Variants in IDO2 observed in about 807,000 individuals in gnomAD.
The protein encoded by IDO2 is indoleamine 2,3-dioxygenase-like 1 protein.
Under a neutral mutation model 45.1 loss-of-function variants are expected in IDO2, and 46 were observed. The observed-to-expected ratio is 1.02, with a 90% CI of 0.80 to 1.30. IDO2 has a LOEUF of 1.30. IDO2 is among the 50% of genes most tolerant of loss of function. IDO2 has a pLI of 0.00. For missense variants in IDO2, 544 were observed against 491.8 expected (o/e 1.11, Z -1.00); for synonymous variants, 218 against 184.9 (o/e 1.18, Z -1.45).
chr8:39,941,135 A>G (rs1024137770), intron 1 of IDO2, among the ~76,000 whole-genome samples: 2 of 146,296 alleles, frequency 1.4e-5, no homozygotes, highest in Non-Finnish European at 3.0e-5. Context: ...GGCAGGAGAA[A>G]TGCTTGAACC....
intron 1 of IDO2, among the ~76,000 whole-genome samples, chr8:39,938,407 CTTGAT>C (rs1466162897): frequency 6.6e-6 from 1 of 151,856 alleles, no homozygotes; most frequent in Non-Finnish European, 1.5e-5. Flanking sequence ...TCACTTTATC[CTTGAT>C]TTATTTCATT....
At chr8:39,989,666 C>T in intron 7 of IDO2, 55 bp from the exon 8 acceptor site, 1 of 1,243,624 alleles carries the variant, frequency 8.0e-7, no homozygotes, top group South Asian at 1.4e-5. Context: ...CTTACTCTGC[C>T]TGCATGGACT....
intron 3 of IDO2, among the ~76,000 whole-genome samples, chr8:39,972,566 C>T (rs1183179909): frequency 3.6e-5 from 5 of 139,232 alleles, no homozygotes; most frequent in Non-Finnish European, 7.5e-5. Flanking sequence ...GTCAAGATCT[C>T]GCCACTGCAC....
chr8:39,985,305 C>A, intron 5 of IDO2: 1 of 590,096 alleles, frequency 1.7e-6, no homozygotes. Context: ...CACCCTTTAT[C>A]ACATAGCACC....
intron 8 of IDO2, among the ~76,000 whole-genome samples, chr8:39,992,808 T>G (rs1801959457): frequency 6.6e-6 from 1 of 152,170 alleles, no homozygotes; most frequent in Admixed American, 6.5e-5. Flanking sequence ...CTCTAATCCC[T>G]TCATCCATAA....
At chr8:40,000,156 G>A (rs879474815) in intron 8 of IDO2, among the ~76,000 whole-genome samples, 4 of 152,152 alleles carry the variant, frequency 2.6e-5, no homozygotes, top group Non-Finnish European at 5.9e-5. Context: ...GATCACACCT[G>A]TAATCCCAGC....
At position 39,982,207 on chromosome 8, in the gene IDO2, G is replaced by C. The variant is rs930517662; in HGVS notation, c.316-445G>C. ...TATCATCTCTCTATCATCTATCTATGTATCTATCATCTCTCTCTATATATG... is the reference window on the plus strand; with the variant it reads ...TATCATCTCTCTATCATCTATCTATCTATCTATCATCTCTCTCTATATATG... On this transcript the variant is annotated intron_variant, in intron 4 of 10. Coordinates refer to ENST00000502986, the Ensembl canonical transcript of IDO2. 4.1e-5 allele frequency among the ~76,000 whole-genome samples: 6 copies of C among 146,688 alleles called. No homozygotes were observed. The South Asian group carries it at 1.1e-3, about 27-fold the overall frequency.
chr8:39,963,990 T>C (rs1439126201), intron 3 of IDO2, among the ~76,000 whole-genome samples: 1 of 152,194 alleles, frequency 6.6e-6, no homozygotes, highest in African/African-American at 2.4e-5. Flanking sequence ...ATAAACTAAC[T>C]AATGGACAAG....
chr8:39,947,624 C>T (rs948194596), intron 1 of IDO2, among the ~76,000 whole-genome samples: 4 of 152,220 alleles, frequency 2.6e-5, no homozygotes, highest in East Asian at 1.9e-4. Flanking sequence ...TTCCAGCCAA[C>T]GGAAACTGGA....
chr8:40,010,676 G>A (rs1802297055), intron 9 of IDO2, among the ~76,000 whole-genome samples: 1 of 152,192 alleles, frequency 6.6e-6, no homozygotes, highest in Admixed American at 6.5e-5. Flanking sequence ...ATGAGTCAAA[G>A]ATAATTTGCA....
intron 3 of IDO2, among the ~76,000 whole-genome samples, chr8:39,968,375 C>A (rs1181130967): frequency 6.6e-6 from 1 of 152,018 alleles, no homozygotes; most frequent in East Asian, 1.9e-4. Flanking sequence ...GGGTAGTTGA[C>A]TGCAAAGGTA....
At chr8:39,973,882 C>T (rs1318928740) in intron 3 of IDO2, among the ~76,000 whole-genome samples, 1 of 151,998 alleles carries the variant, frequency 6.6e-6, no homozygotes, top group African/African-American at 2.4e-5. Flanking sequence ...GTTGGTATTA[C>T]AGGCTCCTGC....
chr8:39,972,401 G>A (rs1221886436), intron 3 of IDO2, among the ~76,000 whole-genome samples: 2 of 152,068 alleles, frequency 1.3e-5, no homozygotes, highest in Admixed American at 6.6e-5. Context: ...TTGAGGTTGA[G>A]TTTGAGACCA....
At chr8:39,959,111 ATT>A (rs36099242) in intron 2 of IDO2, among the ~76,000 whole-genome samples, 1,903 of 141,656 alleles carry the variant, frequency 0.013, 16 homozygotes, top group Middle Eastern at 0.033. Flanking sequence ...TAATCTGTAG[ATT>A]TTTTTTTTTT....
chr8:39,977,561 G>T (rs1808277737), intron 3 of IDO2, among the ~76,000 whole-genome samples: 1 of 152,222 alleles, frequency 6.6e-6, no homozygotes, highest in African/African-American at 2.4e-5. Context: ...CATGCCTGTA[G>T]TCCCAGGTAC....
intron 8 of IDO2, among the ~76,000 whole-genome samples, chr8:40,004,173 G>T (rs568739312): frequency 6.6e-6 from 1 of 152,152 alleles, no homozygotes; most frequent in African/African-American, 2.4e-5. Context: ...AAAATCTAGC[G>T]CATGGGGCAT....
chr8:39,971,839 G>T (rs914631119), intron 3 of IDO2, among the ~76,000 whole-genome samples: 6 of 151,314 alleles, frequency 4.0e-5, no homozygotes, highest in East Asian at 1.9e-4. Flanking sequence ...ACAGAGTTTC[G>T]TTCTTATTGC....
rs1802371076 is a variant in IDO2, at chr8:40,015,316, C to G, written c.938C>G (p.Ser313Ter). Residue 313 changes from serine to a stop codon, truncating the protein, a stop_gained, in exon 11 of 11, where the codon TCA becomes TGA. Transcript: ENST00000502986. LOFTEE classifies it high-confidence loss of function. Reference sequence around the variant, plus strand: ...AAGGCCTTCATAGAAGACATCCACTCAGCACCTTCCCTGAGGGACTACATC... The same window carrying G: ...AAGGCCTTCATAGAAGACATCCACTGAGCACCTTCCCTGAGGGACTACATC... 3 of 1,613,752 alleles carry G rather than the reference C, an allele frequency of 1.9e-6. No homozygotes were observed. The highest frequency in any genetic ancestry group is 2.5e-6 in the Non-Finnish European group (3 of 1,179,806).
intron 3 of IDO2, among the ~76,000 whole-genome samples, chr8:39,972,810 C>T (rs1225327388): frequency 6.6e-6 from 1 of 151,964 alleles, no homozygotes; most frequent in Non-Finnish European, 1.5e-5. Flanking sequence ...GCAGGGCTCT[C>T]CACCAGCAAA....
Sources: allele counts gnomAD v4.1 joint callset (sites outside exome capture counted in the v4.1 genomes callset), GRCh38; gene constraint gnomAD v4.1.1; transcripts MANE v1.5; gene names NCBI Gene and HGNC (gene_info 2026-07-23, HGNC 2026-07-21).